Variants in CNBD1 observed in about 807,000 individuals in gnomAD.
CNBD1 encodes cyclic nucleotide-binding domain-containing protein 1.
Under a neutral mutation model 54.4 loss-of-function variants are expected in CNBD1, and 71 were observed. The observed-to-expected ratio is 1.30, with a 90% CI of 1.08 to 1.59. CNBD1 has a LOEUF of 1.59. CNBD1 is among the 40% of genes most tolerant of loss of function. The pLI, the probability that CNBD1 is intolerant of heterozygous loss-of-function variation, is 0.00. For synonymous variants in CNBD1, 182 were observed against 170.7 expected, an observed-to-expected ratio of 1.07 and a Z score of -0.51; for missense variants, 659 against 518.0, an observed-to-expected ratio of 1.27 and a Z score of -2.64.
intron 4 of CNBD1, among the ~76,000 whole-genome samples, chr8:87,007,033 C>T (rs1208618645): frequency 6.6e-6 from 1 of 152,076 alleles, no homozygotes; most frequent in African/African-American, 2.4e-5. Flanking sequence ...TCTGTCTCTA[C>T]TAAAAATACA....
intron 4 of CNBD1, among the ~76,000 whole-genome samples, chr8:87,013,640 T>G (rs1245976630): frequency 2.0e-5 from 3 of 146,946 alleles, no homozygotes; most frequent in African/African-American, 7.5e-5. Flanking sequence ...TTGTTTTTTG[T>G]TTTTTTTTTG....
intron 2 of CNBD1, among the ~76,000 whole-genome samples, chr8:87,396,474 T>C (rs1442495199): frequency 2.0e-5 from 3 of 151,942 alleles, no homozygotes; most frequent in Non-Finnish European, 4.4e-5. Context: ...TATGTATGCC[T>C]GTGTTTCTTA....
chr8:87,225,256 C>T (rs1295048602), intron 5 of CNBD1, among the ~76,000 whole-genome samples: 2 of 146,086 alleles, frequency 1.4e-5, no homozygotes, highest in African/African-American at 5.1e-5. Context: ...GCCTAATTGC[C>T]CTGGCCAGAA....
intron 4 of CNBD1, among the ~76,000 whole-genome samples, chr8:87,136,076 A>G (rs1812220747): frequency 6.6e-6 from 1 of 152,026 alleles, no homozygotes; most frequent in South Asian, 2.1e-4. Context: ...CTTAAAATCC[A>G]ACTTTTTTTG....
chr8:87,375,464 T>C (rs991647515), intron 10 of CNBD1, among the ~76,000 whole-genome samples: 4 of 151,866 alleles, frequency 2.6e-5, no homozygotes, highest in Non-Finnish European at 5.9e-5. Context: ...GAAATATCTG[T>C]AGATAAAGTT....
At position 87,199,964 on chromosome 8, in the gene CNBD1, C is replaced by T. The variant is rs537287160; in HGVS notation, c.432-6029C>T. Among the ~76,000 whole-genome samples, 9 of 152,094 alleles carry T rather than the reference C, an allele frequency of 5.9e-5. No individual in the cohort carries two copies. The South Asian group carries it at 8.3e-4, about 14-fold the overall frequency. On this transcript the variant is annotated intron_variant, in intron 4 of 10. Transcript: ENST00000518476. ...ATCATAGATTTTGGTAATGGTTGCACGAGTGTATACTTACCTCCAAATTCA... is the reference window on the plus strand; with the variant it reads ...ATCATAGATTTTGGTAATGGTTGCATGAGTGTATACTTACCTCCAAATTCA...
chr8:87,167,298 A>G (rs538125239), intron 4 of CNBD1, among the ~76,000 whole-genome samples: 2 of 151,876 alleles, frequency 1.3e-5, no homozygotes, highest in Non-Finnish European at 2.9e-5. Context: ...AACACCTCAA[A>G]CATTGATCAT....
intron 6 of CNBD1, among the ~76,000 whole-genome samples, chr8:87,261,615 G>T (rs1039455957): frequency 1.3e-5 from 2 of 151,658 alleles, no homozygotes; most frequent in African/African-American, 4.8e-5. Context: ...GTTGGCATTT[G>T]CCTTATTTGA....
At chr8:87,105,599 C>T (rs757876333) in intron 4 of CNBD1, among the ~76,000 whole-genome samples, 1 of 152,088 alleles carries the variant, frequency 6.6e-6, no homozygotes, top group Non-Finnish European at 1.5e-5. Flanking sequence ...CTGGAAAAGA[C>T]GTGGGCTTTC....
chr8:87,173,669 T>TTC (rs1699195028), intron 4 of CNBD1, among the ~76,000 whole-genome samples: 1 of 151,828 alleles, frequency 6.6e-6, no homozygotes, highest in South Asian at 2.1e-4. Context: ...ATGTTATTTT[T>TTC]TTTTTTCGTT....
Position 87,351,795 on chromosome 8 carries a change from G to A in CNBD1, c.1152+1G>A, listed in dbSNP as rs1427057265. ...TGTGAAACTACGATCAAATAAAGTGGTAAGTTTTCAACATGTATTCTTTTT... is the reference window on the plus strand; with the variant it reads ...TGTGAAACTACGATCAAATAAAGTGATAAGTTTTCAACATGTATTCTTTTT... On this transcript the variant is annotated splice_donor_variant, in intron 9 of 10. Transcript: ENST00000518476. LOFTEE classifies it high-confidence loss of function. The A allele has an allele frequency of 4.7e-6, 7 of 1,480,778 alleles. No individual in the cohort carries two copies. The African/African-American group carries it at 7.3e-5, about 15-fold the overall frequency. The allele number at this position is 1,480,778 out of a possible 1,614,324, so 91.7% of individuals were successfully genotyped here.
At chr8:87,231,646 T>G (rs1807439714) in intron 5 of CNBD1, among the ~76,000 whole-genome samples, 1 of 152,168 alleles carries the variant, frequency 6.6e-6, no homozygotes, top group Admixed American at 6.5e-5. Flanking sequence ...TTTCTCTAGT[T>G]TTTTTCTCCA....
intron 4 of CNBD1, among the ~76,000 whole-genome samples, chr8:87,043,315 C>T (rs1404813887): frequency 1.3e-5 from 2 of 152,066 alleles, no homozygotes; most frequent in Non-Finnish European, 2.9e-5. Flanking sequence ...ATCAGGACTC[C>T]ATGTGTGTAT....
At chr8:86,882,697 T>G (rs1416514984) in intron 1 of CNBD1, among the ~76,000 whole-genome samples, 1 of 152,090 alleles carries the variant, frequency 6.6e-6, no homozygotes, top group Non-Finnish European at 1.5e-5. Flanking sequence ...TATAAATCAT[T>G]GTATTATAAA....
chr8:86,913,014 T>A (rs1231224609), intron 3 of CNBD1, among the ~76,000 whole-genome samples: 1 of 152,196 alleles, frequency 6.6e-6, no homozygotes, highest in Admixed American at 6.5e-5. Flanking sequence ...ACAAAGAGCA[T>A]ATTTTTGTAC....
intron 4 of CNBD1, among the ~76,000 whole-genome samples, chr8:86,942,778 C>T (rs1036832659): frequency 1.6e-4 from 25 of 152,160 alleles, no homozygotes; most frequent in Non-Finnish European, 2.9e-4. Context: ...TGGGTGTTCC[C>T]TTAGTCACAT....
chr8:87,210,699 ACAGTGAAGAAGGCTTGG>A lies in CNBD1; in HGVS notation c.577+4565_577+4581del, dbSNP rs1409176907. On this transcript the variant is annotated intron_variant, in intron 5 of 10. Coordinates refer to ENST00000518476, the MANE Select transcript of CNBD1 (RefSeq NM_173538.3). ...TAAGCCTGTGGGCATGTAGACTGCA[ACAGTGAAGAAGGCTTGG>A]CAGCCTCTGCCAAGATTTCAATGGG... is the stretch of plus-strand genomic sequence containing the variant. Among the ~76,000 whole-genome samples, 5 of 152,292 alleles carry A rather than the reference ACAGTGAAGAAGGCTTGG, an allele frequency of 3.3e-5. No homozygotes were observed. In the East Asian group the frequency reaches 9.7e-4, roughly 30 times the overall value.
At chr8:87,179,313 C>T (rs926291744) in intron 4 of CNBD1, among the ~76,000 whole-genome samples, 7 of 151,978 alleles carry the variant, frequency 4.6e-5, no homozygotes, top group Non-Finnish European at 7.4e-5. Context: ...GTATAGAATT[C>T]GCTTTAAAAA....
At chr8:87,024,671 AATTG>A (rs1325099979) in intron 4 of CNBD1, among the ~76,000 whole-genome samples, 1 of 152,160 alleles carries the variant, frequency 6.6e-6, no homozygotes, top group Non-Finnish European at 1.5e-5. Flanking sequence ...AAAAAAAAGT[AATTG>A]ATTATTTTTG....
Sources: allele counts gnomAD v4.1 joint callset (sites outside exome capture counted in the v4.1 genomes callset), GRCh38; gene constraint gnomAD v4.1.1; transcripts MANE v1.5; gene names NCBI Gene and HGNC (gene_info 2026-07-23, HGNC 2026-07-21).